Variants in HPSE2 observed in about 807,000 individuals in gnomAD.
HPSE2 encodes the protein heparanase 2 (inactive).
A neutral mutation model predicts 60.5 loss-of-function variants in HPSE2; 38 were observed. The ratio of observed to expected loss-of-function variants is 0.63; its 90% CI spans 0.48 to 0.82. The LOEUF (loss-of-function observed/expected upper bound fraction) is 0.82. Ranked by LOEUF, HPSE2 falls within the 40% of genes least tolerant of loss-of-function variation. HPSE2 has a pLI of 0.00. For synonymous variants in HPSE2, 295 were observed against 293.2 expected, an observed-to-expected ratio of 1.01 and a Z score of -0.06; for missense variants, 713 against 740.4, an observed-to-expected ratio of 0.96 and a Z score of 0.43.
chr10:98,794,464 T>C (rs918420030), intron 3 of HPSE2, among the ~76,000 whole-genome samples: 5 of 152,112 alleles, frequency 3.3e-5, no homozygotes, highest in Admixed American at 1.3e-4. Flanking sequence ...AGGCTGGTCT[T>C]GAATTCCTGG....
At chr10:98,953,679 T>C (rs924558145) in intron 3 of HPSE2, among the ~76,000 whole-genome samples, 2 of 152,020 alleles carry the variant, frequency 1.3e-5, no homozygotes, top group African/African-American at 4.8e-5. Flanking sequence ...ACGTGGCAAC[T>C]AGAGAGTGAA....
chr10:99,094,235 T>C lies in HPSE2; in HGVS notation c.610+50003A>G, dbSNP rs180696143. On this transcript the variant is annotated intron_variant, in intron 3 of 11. Transcript: ENST00000370552. ...GCAGGGTTTGTCGTCGTTCACGTTA[T>C]TAATTTCTAGCTTTATTGAGGCACA... 2.1e-4 allele frequency among the ~76,000 whole-genome samples: 32 copies of C among 152,040 alleles called. No individual in the cohort carries two copies. In the East Asian group the frequency reaches 6.2e-3, roughly 29 times the overall value.
rs535706879 is a variant in HPSE2, at chr10:99,183,466, T to C, written c.449-39067A>G. Among the ~76,000 whole-genome samples, 307 of 152,326 alleles carry C rather than the reference T, an allele frequency of 2.0e-3. 1 individual carries two copies. Among genetic ancestry groups the C allele is most frequent in the Non-Finnish European group, 3.5e-3 (237 of 68,028 alleles). On this transcript the variant is annotated intron_variant, in intron 2 of 11. Coordinates refer to ENST00000370552, the MANE Select transcript of HPSE2 (RefSeq NM_021828.5). ...TATTTGTTTTATCCTCAAGAAAGGA[T>C]CTTCAGGCCTCTCAAAAAAGTATCA...
intron 3 of HPSE2, among the ~76,000 whole-genome samples, chr10:98,981,010 T>C (rs1474868988): frequency 6.6e-6 from 1 of 152,120 alleles, no homozygotes; most frequent in Non-Finnish European, 1.5e-5. Context: ...CTATCTCTCA[T>C]GGAATCTCTA....
chr10:98,983,916 G>A (rs1024935163), intron 3 of HPSE2, among the ~76,000 whole-genome samples: 1 of 152,170 alleles, frequency 6.6e-6, no homozygotes, highest in Admixed American at 6.5e-5. Flanking sequence ...GTCTGAGATC[G>A]AACTGCAAGG....
At chr10:98,615,226 A>G (rs1044483026) in intron 8 of HPSE2, among the ~76,000 whole-genome samples, 3 of 152,226 alleles carry the variant, frequency 2.0e-5, no homozygotes, top group Admixed American at 1.3e-4. Flanking sequence ...ATTTGATAGA[A>G]AAAGAAACAG....
rs376808288 is a variant in HPSE2, at chr10:98,923,857, C to T, written c.611-179801G>A. Among the ~76,000 whole-genome samples, 125 of 152,184 alleles carry T rather than the reference C, an allele frequency of 8.2e-4. 4 individuals are homozygous for T. In the South Asian group the frequency reaches 0.026, roughly 31 times the overall value. On this transcript the variant is annotated intron_variant, in intron 3 of 11. Transcript: ENST00000370552. Reference sequence around the variant, plus strand: ...TTCGTCAAAACAGCTATTTTGAATTCTCTGTCTGAAACGTCATATATATCT... The same window carrying T: ...TTCGTCAAAACAGCTATTTTGAATTTTCTGTCTGAAACGTCATATATATCT...
intron 3 of HPSE2, among the ~76,000 whole-genome samples, chr10:98,854,828 G>A (rs2134750132): frequency 6.6e-6 from 1 of 152,294 alleles, no homozygotes; most frequent in Non-Finnish European, 1.5e-5. Context: ...TTAAACCACT[G>A]AGGATTCTTA....
intron 4 of HPSE2, 42 bp from the exon 5 acceptor site, chr10:98,721,870 A>G (rs754614244): frequency 6.5e-7 from 1 of 1,530,244 alleles, no homozygotes; most frequent in Non-Finnish European, 9.1e-7. Flanking sequence ...GAGAAGTGTA[A>G]GGTTCTGCCA....
At chr10:98,544,981 A>G (rs1485822791) in intron 9 of HPSE2, among the ~76,000 whole-genome samples, 1 of 151,836 alleles carries the variant, frequency 6.6e-6, no homozygotes, top group African/African-American at 2.4e-5. Context: ...TATCACCACC[A>G]ACCCCACAGA....
In HPSE2 at chr10:98,688,484, T is replaced by C. The variant is rs1261053792; in HGVS notation, c.1004+5416A>G. Among the ~76,000 whole-genome samples the C allele has an allele frequency of 2.9e-5, 4 of 139,012 alleles. No homozygotes were observed. In the East Asian group the frequency reaches 6.1e-4, roughly 21 times the overall value. 91.2% of individuals were successfully genotyped at this position (139,012 alleles called of 152,430 possible). A position where few individuals can be genotyped will look rare whatever the true frequency, so the allele number is the denominator to read the frequency against. On this transcript the variant is annotated intron_variant, in intron 6 of 11. Transcript: ENST00000370552. ...GCATTTCTTTTTTTTTTTCTTTTTT[T>C]TTTTTTTTTGAGGCAGAATCTTGCT...
intron 2 of HPSE2, among the ~76,000 whole-genome samples, chr10:99,146,815 C>T (rs1360179643): frequency 6.6e-6 from 1 of 151,530 alleles, no homozygotes; most frequent in Non-Finnish European, 1.5e-5. Flanking sequence ...GAGCCGAGAT[C>T]GTACCACTGC....
Position 98,816,522 on chromosome 10 carries a change from TAG to T in HPSE2, c.611-72468_611-72467del, listed in dbSNP as rs750632348. Among the ~76,000 whole-genome samples the T allele has an allele frequency of 7.2e-5, 11 of 152,230 alleles. No individual in the cohort carries two copies. In the South Asian group the frequency reaches 1.2e-3, roughly 17 times the overall value. On this transcript the variant is annotated intron_variant, in intron 3 of 11. Transcript: ENST00000370552. The stretch of plus-strand genomic sequence containing the variant: ...TAACTAAGGCTAAGGCTTTCTAAAG[TAG>T]AGTGGGTAGATTGTGAGAGGTCTGC...
At chr10:98,640,125 T>C (rs1946600962) in intron 7 of HPSE2, among the ~76,000 whole-genome samples, 1 of 152,196 alleles carries the variant, frequency 6.6e-6, no homozygotes, top group Non-Finnish European at 1.5e-5. Context: ...TCTATTACAT[T>C]AGGTAATATG....
intron 9 of HPSE2, among the ~76,000 whole-genome samples, chr10:98,537,036 A>G (rs1943304171): frequency 6.6e-6 from 1 of 152,242 alleles, no homozygotes; most frequent in Admixed American, 6.5e-5. Flanking sequence ...GTTTTATAAA[A>G]TATTTTTGGC....
intron 6 of HPSE2, among the ~76,000 whole-genome samples, chr10:98,686,729 G>A (rs978141055): frequency 6.6e-6 from 1 of 152,038 alleles, no homozygotes; most frequent in South Asian, 2.1e-4. Context: ...AAATATTTAG[G>A]CATTTTATAG....
intron 9 of HPSE2, among the ~76,000 whole-genome samples, chr10:98,605,373 A>AT (rs1395992220): frequency 2.2e-4 from 34 of 152,342 alleles, no homozygotes; most frequent in African/African-American, 6.7e-4. Flanking sequence ...ATCTAACATT[A>AT]TTTTTTATGT....
intron 9 of HPSE2, among the ~76,000 whole-genome samples, chr10:98,514,720 T>G (rs1004921344): frequency 6.9e-5 from 10 of 144,970 alleles, no homozygotes; most frequent in African/African-American, 2.3e-4. Context: ...TGTTTTTTTT[T>G]TTTTTTTTTT....
At chr10:99,165,081 CAAAAAA>C (rs56263581) in intron 2 of HPSE2, among the ~76,000 whole-genome samples, 19 of 65,782 alleles carry the variant, frequency 2.9e-4, no homozygotes, top group Admixed American at 4.4e-4. Context: ...GACTCGGTCT[CAAAAAA>C]AAAAAAAAAA....
Sources: gnomAD v4.1 joint callset for allele counts (sites outside exome capture counted in the v4.1 genomes callset) on GRCh38, gnomAD v4.1.1 for gene constraint, MANE v1.5 for transcripts, NCBI Gene and HGNC (gene_info 2026-07-23, HGNC 2026-07-21) for gene names.